The following C1orf94 variants were observed in gnomAD, a reference collection of about 807,000 sequenced individuals.
C1orf94 encodes uncharacterized protein C1orf94.
Under a neutral mutation model 53.6 loss-of-function variants are expected in C1orf94, and 45 were observed. The observed-to-expected ratio is 0.84, with a 90% CI of 0.66 to 1.08. The LOEUF is 1.08. Ranked by LOEUF, C1orf94 falls within the 50% of genes least tolerant of loss-of-function variation. The pLI is 0.00. For synonymous variants in C1orf94, 304 were observed against 296.1 expected, an observed-to-expected ratio of 1.03 and a Z score of -0.27; for missense variants, 762 against 738.9, an observed-to-expected ratio of 1.03 and a Z score of -0.36.
intron 1 of C1orf94, among the ~76,000 whole-genome samples, chr1:34,182,994 T>A (rs1334292185): frequency 6.6e-6 from 1 of 152,244 alleles, no homozygotes; most frequent in Non-Finnish European, 1.5e-5. Flanking sequence ...TGGTTTCTAG[T>A]CTAAGACATC....
rs1157527514 is a variant in C1orf94 at position 34,197,432 on chromosome 1, C to A, written c.528C>A (p.Ala176=). ...CAGGCAGTAATGAGCGCCCCAGAGC[C>A]TCCATCATTGTCGGAGACAAGCTTC... ...LVAGSNERPR[A]SIIVGDKLLK... is the part of the protein sequence containing the mutation. The change falls in exon 2 of 7, where the codon GCC becomes GCA. Residue 176 remains alanine (A), a synonymous_variant. Transcript: ENST00000488417. This position sits in a 1 kb window ranked among gnomAD's most constrained non-coding sequence, Gnocchi z 4.1. 1 of 1,613,978 alleles carries A rather than the reference C, an allele frequency of 6.2e-7. No individual in the cohort carries two copies. The highest frequency in any genetic ancestry group is 8.5e-7 in the Non-Finnish European group (1 of 1,179,904).
intron 1 of C1orf94, among the ~76,000 whole-genome samples, chr1:34,189,756 C>T (rs1642452626): frequency 1.3e-5 from 2 of 152,202 alleles, no homozygotes; most frequent in African/African-American, 4.8e-5. Context: ...AGTCCCCATG[C>T]TGGACAGCTG....
At chr1:34,201,147 G>A (rs780164732) in intron 3 of C1orf94, 115 bp downstream of exon 3, 28 of 1,419,576 alleles carry the variant, frequency 2.0e-5, no homozygotes, top group Non-Finnish European at 2.4e-5. Flanking sequence ...TTCTAGAGGT[G>A]TCAGTTTTTA....
chr1:34,217,794 A>G (rs1643014662), intron 6 of C1orf94, among the ~76,000 whole-genome samples: 1 of 152,210 alleles, frequency 6.6e-6, no homozygotes, highest in South Asian at 2.1e-4. Context: ...ATGAATGTGA[A>G]TCTCTTCTAT....
chr1:34,196,456 C>T (rs531268493), intron 1 of C1orf94, among the ~76,000 whole-genome samples: 27 of 152,184 alleles, frequency 1.8e-4, no homozygotes, highest in African/African-American at 6.0e-4. Context: ...AGGCTGTGAT[C>T]GGGTCAGAGG....
intron 4 of C1orf94, among the ~76,000 whole-genome samples, chr1:34,206,692 G>A (rs1027681429): frequency 3.9e-5 from 6 of 152,206 alleles, no homozygotes; most frequent in African/African-American, 1.4e-4. Context: ...CTCATGGAGG[G>A]CTGAGAACAG....
At chr1:34,218,174 TGA>T in intron 6 of C1orf94, among the ~76,000 whole-genome samples, 1 of 152,182 alleles carries the variant, frequency 6.6e-6, no homozygotes, top group South Asian at 2.1e-4. Flanking sequence ...TGCTTATTTC[TGA>T]GTCAGGGATG....
intron 2 of C1orf94, among the ~76,000 whole-genome samples, chr1:34,198,907 G>A (rs898220996): frequency 6.6e-6 from 1 of 152,192 alleles, no homozygotes. Context: ...TCTTCCCAGA[G>A]AGGAGACCTT....
intron 1 of C1orf94, among the ~76,000 whole-genome samples, chr1:34,193,242 A>T (rs1642523245): frequency 6.6e-6 from 1 of 152,108 alleles, no homozygotes; most frequent in South Asian, 2.1e-4. Context: ...TTGATCCAGG[A>T]TTACTGTCAG....
chr1:34,187,241 C>G (rs142120751), intron 1 of C1orf94, among the ~76,000 whole-genome samples: 1 of 152,218 alleles, frequency 6.6e-6, no homozygotes, highest in East Asian at 1.9e-4. Flanking sequence ...AAAGGTGAGG[C>G]TCAGAGAGGT....
Position 34,207,864 on chromosome 1 carries a change from A to C in C1orf94, c.1447-293A>C, listed in dbSNP as rs569890069. On this transcript the variant is annotated intron_variant, in intron 4 of 6. Coordinates refer to ENST00000488417, the MANE Select transcript of C1orf94 (RefSeq NM_001134734.2). ...GAGGCTCAGAGATGTGATTTGCCCAAGGTCACACAGCCACTAAAACACAGA... is the reference window on the plus strand; with the variant it reads ...GAGGCTCAGAGATGTGATTTGCCCACGGTCACACAGCCACTAAAACACAGA... Among the ~76,000 whole-genome samples, 3 of 152,318 alleles carry C rather than the reference A, an allele frequency of 2.0e-5. No homozygotes were observed. In the South Asian group the frequency reaches 6.2e-4, roughly 32 times the overall value.
Position 34,208,199 on chromosome 1 carries a change from G to A in C1orf94, c.1489G>A (p.Ala497Thr), listed in dbSNP as rs1182313072. The A allele has an allele frequency of 6.2e-7, 1 of 1,614,156 alleles. No individual in the cohort carries two copies. Among genetic ancestry groups the A allele is most frequent in the Non-Finnish European group, 8.5e-7 (1 of 1,180,012 alleles). Residue 497 changes from alanine (A) to threonine (T), a missense_variant, in exon 5 of 7, where the codon GCT becomes ACT. Ala to Thr is a moderately conservative substitution (Grantham distance 58, BLOSUM62 0). Transcript: ENST00000488417. ...QQAARMPYQQ[A>T]LHPQLGCYSQ... ...GGCAGCGAGGATGCCCTATCAGCAG[G>A]CTTTGCACCCGCAGCTGGGATGTTA...
intron 1 of C1orf94, among the ~76,000 whole-genome samples, chr1:34,182,087 G>A (rs113705006): frequency 2.0e-5 from 3 of 152,172 alleles, no homozygotes; most frequent in South Asian, 2.1e-4. Context: ...CTAGCTACTC[G>A]GGAGGGTGAA....
intron 2 of C1orf94, among the ~76,000 whole-genome samples, chr1:34,198,253 T>C (rs902103066): frequency 6.6e-6 from 1 of 152,190 alleles, no homozygotes; most frequent in Admixed American, 6.5e-5. Context: ...CCTAGCTGGG[T>C]TCAGGGTGAA....
chr1:34,170,697 C>T (rs1158378900), intron 1 of C1orf94, among the ~76,000 whole-genome samples: 10 of 152,058 alleles, frequency 6.6e-5, no homozygotes, highest in African/African-American at 2.4e-4. Flanking sequence ...AGGAGCCCCA[C>T]CCCACCCCTT....
In C1orf94 at chr1:34,197,886, C is replaced by G. The variant is rs1642628665; in HGVS notation, c.982C>G (p.Pro328Ala). ...GATCTGTTCCAAGCCCAAGGCTGAC[C>G]CTGCTGTGGAGAGGCACCACTTGAT... The part of the protein sequence containing the change: ...AKICSKPKAD[P>A]AVERHHLMEW... Residue 328 changes from proline to alanine, a missense_variant, in exon 2 of 7, where the codon CCT becomes GCT. Physicochemically the swap from Pro to Ala is conservative, Grantham distance 27. Coordinates refer to ENST00000488417, the MANE Select transcript of C1orf94 (RefSeq NM_001134734.2). This position sits in a 1 kb window ranked among gnomAD's most constrained non-coding sequence, Gnocchi z 4.1. 2 of 1,613,982 alleles carry G rather than the reference C, an allele frequency of 1.2e-6. No individual in the cohort carries two copies. The highest frequency in any genetic ancestry group is 8.5e-7 in the Non-Finnish European group (1 of 1,179,906).
intron 1 of C1orf94, among the ~76,000 whole-genome samples, chr1:34,167,719 G>A (rs1049419849): frequency 1.3e-5 from 2 of 151,916 alleles, no homozygotes; most frequent in Admixed American, 6.6e-5. Flanking sequence ...AAACCCACAC[G>A]TAACTGATAC....
At chr1:34,191,675 T>G (rs1390347187) in intron 1 of C1orf94, among the ~76,000 whole-genome samples, 3 of 152,286 alleles carry the variant, frequency 2.0e-5, no homozygotes, top group Middle Eastern at 3.4e-3. Context: ...ATTTCATAGC[T>G]GGAAGAAAAT....
chr1:34,185,781 C>T (rs1642375882), intron 1 of C1orf94, among the ~76,000 whole-genome samples: 1 of 152,252 alleles, frequency 6.6e-6, no homozygotes, highest in Non-Finnish European at 1.5e-5. Flanking sequence ...CAGCACTGCT[C>T]AGACATCTCT....
Sources: allele counts gnomAD v4.1 joint callset (sites outside exome capture counted in the v4.1 genomes callset), GRCh38; gene constraint gnomAD v4.1.1; non-coding constraint Gnocchi (gnomAD v3.1); transcripts MANE v1.5; gene names NCBI Gene and HGNC (gene_info 2026-07-23, HGNC 2026-07-21).